FLACC1: variants seen among roughly 807,000 people sequenced by gnomAD.
FLACC1 encodes the protein flagellum-associated coiled-coil domain-containing protein 1.
In FLACC1, 66 loss-of-function variants were observed where a neutral mutation model predicts 62.8. The ratio of observed to expected loss-of-function variants is 1.05; its 90% CI spans 0.86 to 1.29. The LOEUF is 1.29. Among genes scored for constraint, FLACC1 ranks in the 50% most tolerant of loss-of-function variants. The pLI, the probability that FLACC1 is intolerant of heterozygous loss-of-function variation, is 0.00. For synonymous variants in FLACC1, 156 were observed against 161.0 expected (o/e 0.97, Z 0.24); for missense variants, 452 against 489.1 (o/e 0.92, Z 0.71).
intron 7 of FLACC1, among the ~76,000 whole-genome samples, chr2:201,339,336 T>C (rs1322074958): frequency 6.6e-6 from 1 of 152,104 alleles, no homozygotes; most frequent in East Asian, 1.9e-4. Flanking sequence ...TACTGGTTTA[T>C]CAATTTGGTT....
intron 7 of FLACC1, among the ~76,000 whole-genome samples, chr2:201,332,082 C>G (rs941631854): frequency 6.6e-6 from 1 of 151,886 alleles, no homozygotes; most frequent in South Asian, 2.1e-4. Flanking sequence ...TATGCCTCAG[C>G]TAAGAGTGCT....
chr2:201,339,107 T>G (rs899580346), intron 7 of FLACC1, among the ~76,000 whole-genome samples: 2 of 152,210 alleles, frequency 1.3e-5, no homozygotes, highest in Non-Finnish European at 2.9e-5. Flanking sequence ...TTATTGGTCT[T>G]GAATAATTTT....
In FLACC1 at chr2:201,346,352, A is replaced by G. The variant is rs546938565; in HGVS notation, c.368+190T>C. ...TGGATCTGCTCACGGATGGGATCAG[A>G]GCAGAGAGGCAGATGTGGAGAGATG... On this transcript the variant is annotated intron_variant, in intron 5 of 14. Coordinates refer to ENST00000392257, the MANE Select transcript of FLACC1 (RefSeq NM_001127391.3). The surrounding 1 kb of genome is among the most constrained non-coding windows in gnomAD (Gnocchi z 4.0). 1.3e-5 allele frequency among the ~76,000 whole-genome samples: 2 copies of G among 152,296 alleles called. No individual in the cohort carries two copies. Among genetic ancestry groups the G allele is most frequent in the African/African-American group, 2.4e-5 (1 of 41,560 alleles).
intron 6 of FLACC1, 82 bp from the exon 7 acceptor site, chr2:201,342,513 T>TTTATGGGGCACAGCCGCCTTCC (rs1950830855): frequency 7.1e-7 from 1 of 1,411,902 alleles, no homozygotes; most frequent in African/African-American, 1.4e-5. Context: ...AGCCTTCCAA[T>TTTATGGGGCACAGCCGCCTTCC]TTATGGGGCA....
Position 201,295,026 on chromosome 2 carries a change from T to C in FLACC1, c.942+4212A>G, listed in dbSNP as rs577559482. Among the ~76,000 whole-genome samples the C allele has an allele frequency of 1.4e-4, 21 of 152,316 alleles. No individual in the cohort carries two copies. In the East Asian group the frequency reaches 3.5e-3, roughly 25 times the overall value. On this transcript the variant is annotated intron_variant, in intron 12 of 14. Coordinates refer to ENST00000392257, the MANE Select transcript of FLACC1 (RefSeq NM_001127391.3). ...CGAAATAAAAGAGGATACAAACAAA[T>C]GGAAGAACATTCCATGCTCATGGAT...
At chr2:201,316,030 C>CA (rs1241106044) in intron 9 of FLACC1, among the ~76,000 whole-genome samples, 1 of 152,042 alleles carries the variant, frequency 6.6e-6, no homozygotes, top group African/African-American at 2.4e-5. Context: ...TAAAACCTAT[C>CA]AAAACCTCTG....
intron 12 of FLACC1, among the ~76,000 whole-genome samples, chr2:201,295,708 A>G (rs979120718): frequency 6.6e-5 from 10 of 152,238 alleles, no homozygotes; most frequent in Non-Finnish European, 1.3e-4. Context: ...AGAAACTACC[A>G]TCAGAGTGAA....
intron 4 of FLACC1, among the ~76,000 whole-genome samples, chr2:201,347,489 C>T (rs917118062): frequency 5.9e-5 from 9 of 152,168 alleles, no homozygotes; most frequent in Admixed American, 3.3e-4. Context: ...ATTTTTTTCC[C>T]TAACCATTAA....
intron 9 of FLACC1, among the ~76,000 whole-genome samples, chr2:201,309,905 C>CAAAAAAAAAAAAAAA (rs1161849891): frequency 1.3e-4 from 6 of 44,670 alleles, no homozygotes; most frequent in African/African-American, 2.4e-4. Context: ...GACTCTGTCT[C>CAAAAAAAAAAAAAAA]AAAAAAAAAA....
At chr2:201,343,621 C>T (rs1950853989) in intron 6 of FLACC1, among the ~76,000 whole-genome samples, 1 of 152,192 alleles carries the variant, frequency 6.6e-6, no homozygotes, top group South Asian at 2.1e-4. Context: ...GCTGTCACTC[C>T]AGGCCAGGCC....
intron 9 of FLACC1, among the ~76,000 whole-genome samples, chr2:201,314,040 C>T (rs1302295637): frequency 6.6e-6 from 1 of 152,128 alleles, no homozygotes; most frequent in African/African-American, 2.4e-5. Flanking sequence ...GAGAACACGC[C>T]ATAGGACAAA....
At chr2:201,327,730 A>G (rs994699830) in intron 9 of FLACC1, among the ~76,000 whole-genome samples, 7 of 152,152 alleles carry the variant, frequency 4.6e-5, no homozygotes, top group African/African-American at 1.7e-4. Context: ...AATTAGTACA[A>G]CCTTTTGGAA....
At chr2:201,341,833 C>T (rs1050503793) in intron 7 of FLACC1, among the ~76,000 whole-genome samples, 10 of 152,082 alleles carry the variant, frequency 6.6e-5, no homozygotes, top group Non-Finnish European at 1.0e-4. Context: ...TTCCTCCTAC[C>T]GGACCATGGT....
At chr2:201,317,942 A>C (rs1166104526) in intron 9 of FLACC1, among the ~76,000 whole-genome samples, 4 of 152,098 alleles carry the variant, frequency 2.6e-5, no homozygotes, top group Non-Finnish European at 5.9e-5. Flanking sequence ...AATAAACCCA[A>C]ATACTTACAG....
At chr2:201,301,869 A>T (rs62191541) in intron 11 of FLACC1, among the ~76,000 whole-genome samples, 14,371 of 152,208 alleles carry the variant, frequency 0.094, 1,053 homozygotes, top group South Asian at 0.26. Flanking sequence ...AAAATCCTTT[A>T]CAGAGAAGCA....
At chr2:201,308,552 T>C (rs989410108) in intron 10 of FLACC1, among the ~76,000 whole-genome samples, 1 of 152,212 alleles carries the variant, frequency 6.6e-6, no homozygotes, top group East Asian at 1.9e-4. Flanking sequence ...ACTAGTCTTC[T>C]AGGCCTGGAG....
intron 9 of FLACC1, among the ~76,000 whole-genome samples, chr2:201,319,817 T>C (rs1296165202): frequency 1.3e-5 from 2 of 152,202 alleles, no homozygotes; most frequent in African/African-American, 4.8e-5. Context: ...GTTGTAGAGA[T>C]TCACACTGAA....
upstream of FLACC1, among the ~76,000 whole-genome samples, chr2:201,360,687 C>G (rs1442559798): frequency 6.6e-6 from 1 of 152,180 alleles, no homozygotes; most frequent in Non-Finnish European, 1.5e-5. Context: ...GTAGTGCTAC[C>G]CTTGCACCTA....
At chr2:201,341,792 T>C (rs953243994) in intron 7 of FLACC1, among the ~76,000 whole-genome samples, 1 of 152,188 alleles carries the variant, frequency 6.6e-6, no homozygotes, top group Admixed American at 6.5e-5. Context: ...TTTGCAACAT[T>C]GTATGATTTG....
Sources: allele counts gnomAD v4.1 joint callset (sites outside exome capture counted in the v4.1 genomes callset), GRCh38; gene constraint gnomAD v4.1.1; non-coding constraint Gnocchi (gnomAD v3.1); transcripts MANE v1.5; gene names NCBI Gene and HGNC (gene_info 2026-07-23, HGNC 2026-07-21).